The following MACROD2 variants were observed in gnomAD, a reference collection of about 807,000 sequenced individuals.
MACROD2 encodes ADP-ribose glycohydrolase MACROD2.
Under a neutral mutation model 70.4 loss-of-function variants are expected in MACROD2, and 36 were observed. The ratio of observed to expected loss-of-function variants is 0.51; its 90% CI spans 0.39 to 0.68. The LOEUF (loss-of-function observed/expected upper bound fraction) is 0.68. Among genes scored for constraint, MACROD2 ranks in the 30% least tolerant of loss-of-function variants. MACROD2 has a pLI of 0.00. For synonymous variants in MACROD2, 172 were observed against 178.8 expected (o/e 0.96, Z 0.30); for missense variants, 496 against 538.4 (o/e 0.92, Z 0.78).
intron 11 of MACROD2, among the ~76,000 whole-genome samples, chr20:15,934,680 T>C (rs2065630882): frequency 6.8e-6 from 1 of 148,144 alleles, no homozygotes; most frequent in Admixed American, 6.7e-5. Context: ...TTTTTGTTTG[T>C]TTTTTGTTTT....
intron 8 of MACROD2, among the ~76,000 whole-genome samples, chr20:15,848,204 T>G (rs897656253): frequency 6.6e-6 from 1 of 152,172 alleles, no homozygotes; most frequent in African/African-American, 2.4e-5. Flanking sequence ...ACTCTCTCTC[T>G]CTCTTTCTCT....
chr20:15,644,016 T>C lies in MACROD2; in HGVS notation c.645+144169T>C, dbSNP rs372979482. The stretch of plus-strand genomic sequence containing the variant: ...AAGTTCCATGATAGTCCTCGCAATG[T>C]GTCTCATTGGCCATTATTTAGACAT... On this transcript the variant is annotated intron_variant, in intron 8 of 17. Coordinates refer to ENST00000684519, the MANE Select transcript of MACROD2 (RefSeq NM_001351661.2). 8.5e-5 allele frequency among the ~76,000 whole-genome samples: 13 copies of C among 152,276 alleles called. No individual in the cohort carries two copies. In the East Asian group the frequency reaches 1.9e-3, roughly 23 times the overall value.
intron 5 of MACROD2, among the ~76,000 whole-genome samples, chr20:15,027,554 TGGTG>T (rs200792656): frequency 0.14 from 20,184 of 143,616 alleles, 1,765 homozygotes; most frequent in Admixed American, 0.21. Flanking sequence ...ATGGTGGTGG[TGGTG>T]GGGGGAAATA....
intron 6 of MACROD2, among the ~76,000 whole-genome samples, chr20:15,295,595 T>TCACACACACACACACACA (rs3223712): frequency 0.011 from 1,664 of 148,028 alleles, 17 homozygotes; most frequent in Non-Finnish European, 0.018. Context: ...ATGTCTGTCA[T>TCACACACACACACACACA]CACACACACA....
At chr20:16,030,556 G>A (rs2067139258) in intron 15 of MACROD2, among the ~76,000 whole-genome samples, 1 of 152,110 alleles carries the variant, frequency 6.6e-6, no homozygotes. Context: ...TAACCCAAGA[G>A]AAAGATCCAA....
chr20:14,544,402 C>T (rs1035157368), intron 4 of MACROD2, among the ~76,000 whole-genome samples: 13 of 152,038 alleles, frequency 8.6e-5, no homozygotes, highest in African/African-American at 2.7e-4. Context: ...ATCTAGATCT[C>T]AGCAACTTAT....
intron 8 of MACROD2, among the ~76,000 whole-genome samples, chr20:15,571,903 A>G (rs1318757621): frequency 2.6e-5 from 4 of 152,132 alleles, no homozygotes; most frequent in African/African-American, 9.7e-5. Flanking sequence ...AAAAGTGTTT[A>G]ACACTAACAT....
chr20:14,823,691 T>C (rs1430893021), intron 5 of MACROD2, among the ~76,000 whole-genome samples: 1 of 152,148 alleles, frequency 6.6e-6, no homozygotes, highest in African/African-American at 2.4e-5. Flanking sequence ...CACATGACCA[T>C]ACCTTGCTGA....
intron 2 of MACROD2, among the ~76,000 whole-genome samples, chr20:14,029,605 A>C (rs2053222041): frequency 6.6e-6 from 1 of 152,186 alleles, no homozygotes; most frequent in Non-Finnish European, 1.5e-5. Context: ...AATTTAAAAA[A>C]TTTTAATTAC....
At chr20:14,841,370 C>G (rs2073085219) in intron 5 of MACROD2, among the ~76,000 whole-genome samples, 1 of 152,270 alleles carries the variant, frequency 6.6e-6, no homozygotes, top group South Asian at 2.1e-4. Context: ...TAGAAACTTT[C>G]CACTGAGGTG....
At chr20:14,476,412 G>A (rs2084595108) in intron 3 of MACROD2, among the ~76,000 whole-genome samples, 1 of 152,150 alleles carries the variant, frequency 6.6e-6, no homozygotes, top group Non-Finnish European at 1.5e-5. Flanking sequence ...CTGGAGTACA[G>A]TGGCGCAATC....
At chr20:16,000,590 G>C (rs1240278574) in intron 15 of MACROD2, among the ~76,000 whole-genome samples, 1 of 152,148 alleles carries the variant, frequency 6.6e-6, no homozygotes, top group Non-Finnish European at 1.5e-5. Flanking sequence ...AATAGTTTAA[G>C]TTTCCTTTAA....
At chr20:15,567,478 C>T (rs1317519348) in intron 8 of MACROD2, among the ~76,000 whole-genome samples, 2 of 152,184 alleles carry the variant, frequency 1.3e-5, no homozygotes, top group East Asian at 1.9e-4. Flanking sequence ...ATGCGAATAC[C>T]TCCCAGATTA....
At chr20:15,991,220 T>G (rs1374469390) in intron 15 of MACROD2, among the ~76,000 whole-genome samples, 1 of 152,228 alleles carries the variant, frequency 6.6e-6, no homozygotes, top group African/African-American at 2.4e-5. Flanking sequence ...TCTTTCTTAG[T>G]CCATGTGGGA....
intron 3 of MACROD2, among the ~76,000 whole-genome samples, chr20:14,366,737 A>G (rs2083276886): frequency 6.6e-6 from 1 of 152,228 alleles, no homozygotes; most frequent in Admixed American, 6.5e-5. Context: ...GATATGACTT[A>G]CATGGAGTAT....
intron 8 of MACROD2, among the ~76,000 whole-genome samples, chr20:15,826,654 C>A (rs2064000185): frequency 6.6e-6 from 1 of 152,140 alleles, no homozygotes; most frequent in African/African-American, 2.4e-5. Flanking sequence ...TTTTATCAAA[C>A]TACTTTTGTC....
chr20:14,538,581 A>G (rs1006513378), intron 4 of MACROD2, among the ~76,000 whole-genome samples: 12 of 151,332 alleles, frequency 7.9e-5, no homozygotes, highest in Admixed American at 2.6e-4. Flanking sequence ...TTCACCTCCC[A>G]CCTCTCTACG....
chr20:14,377,714 T>A (rs780772411), intron 3 of MACROD2, among the ~76,000 whole-genome samples: 7 of 152,244 alleles, frequency 4.6e-5, no homozygotes, highest in Admixed American at 2.0e-4. Flanking sequence ...TTGCTTTACT[T>A]AATTCACATT....
rs1555839511 is a variant in MACROD2, at chr20:14,862,009, A to ATATATATT, written c.418+177057_418+177058insTTATATAT. On this transcript the variant is annotated intron_variant, in intron 5 of 17. Transcript: ENST00000684519. ...TATATATATTTATATATATATTTATATATATATATTTATATATATTTATAT... is the reference window on the plus strand; with the variant it reads ...TATATATATTTATATATATATTTATATATATATTTATATATATTTATATATATTTATAT... 4.3e-3 allele frequency among the ~76,000 whole-genome samples: 81 copies of ATATATATT among 18,784 alleles called. 2 individuals carry two copies. Among genetic ancestry groups the ATATATATT allele is most frequent in the Non-Finnish European group, 5.3e-3 (62 of 11,738 alleles). The allele number at this position is 18,784 out of a possible 152,430, so 12.3% of individuals were successfully genotyped here. A position where few individuals can be genotyped will look rare whatever the true frequency, so the allele number is the denominator to read the frequency against.
Sources: gnomAD v4.1 joint callset for allele counts (sites outside exome capture counted in the v4.1 genomes callset) on GRCh38, gnomAD v4.1.1 for gene constraint, MANE v1.5 for transcripts, NCBI Gene and HGNC (gene_info 2026-07-23, HGNC 2026-07-21) for gene names.